Variants in BNIP2 observed in about 807,000 individuals in gnomAD.
The protein encoded by BNIP2 is BCL2/adenovirus E1B 19 kDa protein-interacting protein 2.
Under a neutral mutation model 43.4 loss-of-function variants are expected in BNIP2, and 36 were observed. That is an observed-to-expected ratio of 0.83 (90% CI 0.64 to 1.10). The LOEUF (loss-of-function observed/expected upper bound fraction) is 1.10, where lower values mean the gene tolerates loss of function less well. Ranked by LOEUF, BNIP2 falls within the 50% of genes least tolerant of loss-of-function variation. The probability of loss-of-function intolerance (pLI) is 0.00; values close to 1 mark genes in which losing one functional copy is unlikely to be tolerated. For missense variants in BNIP2, 417 were observed against 374.1 expected (o/e 1.11, Z -0.95); for synonymous variants, 146 against 121.0 (o/e 1.21, Z -1.35).
chr15:59,682,129 C>A (rs1222841493), intron 2 of BNIP2, among the ~76,000 whole-genome samples: 4 of 152,030 alleles, frequency 2.6e-5, no homozygotes, highest in African/African-American at 9.7e-5. Flanking sequence ...GAGTTTGAGA[C>A]CAGCCTGGCC....
chr15:59,689,307 G>C lies in BNIP2; in HGVS notation c.-230C>G, dbSNP rs1289175739. 3 of 1,547,092 alleles carry C rather than the reference G, an allele frequency of 1.9e-6. No homozygotes were observed. Among genetic ancestry groups the C allele is most frequent in the Non-Finnish European group, 2.6e-6 (3 of 1,145,900 alleles). ...CGGTACGGCGTCGGCGGCAGCAGCT[G>C]ACCCGGACACAGTGAGAAGCCCCGG... On this transcript the variant is annotated 5_prime_UTR_variant, in exon 1 of 10. Transcript: ENST00000607373.
chr15:59,669,072 G>T, intron 8 of BNIP2, 82 bp from the exon 9 acceptor site: 1 of 1,298,116 alleles, frequency 7.7e-7, no homozygotes, highest in Non-Finnish European at 1.1e-6. Flanking sequence ...CAAAAATCAT[G>T]TCATTTTGAA....
At chr15:59,671,152 C>G in intron 7 of BNIP2, 31 bp downstream of exon 7, 5 of 1,504,860 alleles carry the variant, frequency 3.3e-6, no homozygotes, top group Non-Finnish European at 4.4e-6. Context: ...AAAATTTTTT[C>G]AGACTAGCTT....
At chr15:59,682,113 G>A (rs1331800833) in intron 2 of BNIP2, among the ~76,000 whole-genome samples, 1 of 152,084 alleles carries the variant, frequency 6.6e-6, no homozygotes, top group African/African-American at 2.4e-5. Context: ...CAGATCACGA[G>A]GTCAGGAGTT....
At chr15:59,682,178 T>A (rs1406589255) in intron 2 of BNIP2, among the ~76,000 whole-genome samples, 1 of 151,920 alleles carries the variant, frequency 6.6e-6, no homozygotes, top group African/African-American at 2.4e-5. Context: ...AATACAAAAA[T>A]TAGCCAGGCG....
intron 9 of BNIP2, among the ~76,000 whole-genome samples, chr15:59,668,438 A>C (rs1174367745): frequency 6.6e-6 from 1 of 152,246 alleles, no homozygotes; most frequent in Non-Finnish European, 1.5e-5. Context: ...TCTGATAATC[A>C]GAACAGAATT....
intron 2 of BNIP2, among the ~76,000 whole-genome samples, chr15:59,682,196 G>A (rs185618161): frequency 3.9e-5 from 6 of 152,148 alleles, no homozygotes; most frequent in African/African-American, 9.6e-5. Context: ...GCGTGGTGGC[G>A]CACACCTATA....
At chr15:59,666,041 C>T (rs1243940904) in intron 9 of BNIP2, among the ~76,000 whole-genome samples, 2 of 151,186 alleles carry the variant, frequency 1.3e-5, no homozygotes, top group African/African-American at 4.9e-5. Context: ...TCCTTACCAA[C>T]TAATTTCATA....
At chr15:59,664,621 T>C (rs567648887) in intron 9 of BNIP2, among the ~76,000 whole-genome samples, 33 of 152,286 alleles carry the variant, frequency 2.2e-4, no homozygotes, top group African/African-American at 7.9e-4. Flanking sequence ...GACCTCGTGA[T>C]CTGCCTGCCT....
intron 2 of BNIP2, among the ~76,000 whole-genome samples, chr15:59,681,146 T>C (rs764252534): frequency 6.6e-6 from 1 of 152,218 alleles, no homozygotes; most frequent in Non-Finnish European, 1.5e-5. Flanking sequence ...TCAGCATTCC[T>C]ATATTTACTA....
At position 59,678,264 on chromosome 15, in the gene BNIP2, G is replaced by A. The variant is rs74019670; in HGVS notation, c.296-177C>T. ...TATTCTTAACATGAGGCTGTTTTAT[G>A]TCTTTGGAAATCATGGTTCTTTAAC... On this transcript the variant is annotated intron_variant, in intron 4 of 9. Transcript: ENST00000607373. 8.2e-6 allele frequency: 11 copies of A among 1,337,162 alleles called. No homozygotes were observed. In the Admixed American group the frequency reaches 1.4e-4, roughly 17 times the overall value. The allele number at this position is 1,337,162 out of a possible 1,614,324, so 82.8% of individuals were successfully genotyped here. A position where few individuals can be genotyped will look rare whatever the true frequency, so the allele number is the denominator to read the frequency against.
chr15:59,666,629 T>A (rs1439871785), intron 9 of BNIP2, among the ~76,000 whole-genome samples: 1 of 152,142 alleles, frequency 6.6e-6, no homozygotes, highest in Non-Finnish European at 1.5e-5. Context: ...ACTGGGCCAT[T>A]GCACTCCTGC....
At chr15:59,687,352 C>CTTT (rs35912734) in intron 1 of BNIP2, among the ~76,000 whole-genome samples, 1 of 137,770 alleles carries the variant, frequency 7.3e-6, no homozygotes, top group Non-Finnish European at 1.6e-5. Flanking sequence ...TCTTTTCATC[C>CTTT]TTTTTTTTTT....
At chr15:59,665,777 G>A (rs1358104202) in intron 9 of BNIP2, among the ~76,000 whole-genome samples, 2 of 152,140 alleles carry the variant, frequency 1.3e-5, no homozygotes, top group African/African-American at 4.8e-5. Flanking sequence ...TACATTTGTA[G>A]TGGTCTGAAT....
At chr15:59,664,480 C>G (rs955141549) in intron 9 of BNIP2, among the ~76,000 whole-genome samples, 27 of 152,190 alleles carry the variant, frequency 1.8e-4, no homozygotes, top group African/African-American at 6.5e-4. Context: ...CTCCTGGGTT[C>G]ACACCATTGT....
intron 9 of BNIP2, among the ~76,000 whole-genome samples, chr15:59,666,969 T>C (rs1319879320): frequency 1.3e-5 from 2 of 152,212 alleles, no homozygotes; most frequent in African/African-American, 4.8e-5. Context: ...ACAGCATATT[T>C]TATCAACAAA....
rs1190238239 is a variant in BNIP2 at position 59,659,943 on chromosome 15, T to A, written c.*4126A>T. On this transcript the variant is annotated 3_prime_UTR_variant, in exon 10 of 10. Transcript: ENST00000607373. ...CATGCCAGACTACTTTATTTTCAAT[T>A]ATCCTTTAGAACTTCAAAGGAAAGT... The A allele has an allele frequency of 6.6e-6, 1 of 152,238 alleles. No individual in the cohort carries two copies. Among genetic ancestry groups the A allele is most frequent in the Non-Finnish European group, 1.5e-5 (1 of 68,046 alleles). The allele number at this position is 152,238 out of a possible 1,614,324, so 9.4% of individuals were successfully genotyped here.
chr15:59,686,844 C>A (rs753258747), intron 1 of BNIP2, among the ~76,000 whole-genome samples: 10 of 152,090 alleles, frequency 6.6e-5, no homozygotes, highest in Non-Finnish European at 1.3e-4. Context: ...TGGTGAAACC[C>A]CATCTCTACC....
intron 5 of BNIP2, among the ~76,000 whole-genome samples, chr15:59,674,434 A>G (rs1212054788): frequency 6.6e-6 from 1 of 152,190 alleles, no homozygotes; most frequent in Non-Finnish European, 1.5e-5. Context: ...TTAAGCCATA[A>G]ATCAGGTCTT....
Sources: gnomAD v4.1 joint callset for allele counts (sites outside exome capture counted in the v4.1 genomes callset) on GRCh38, gnomAD v4.1.1 for gene constraint, MANE v1.5 for transcripts, NCBI Gene and HGNC (gene_info 2026-07-23, HGNC 2026-07-21) for gene names.